Variants in CADM2 observed in about 807,000 individuals in gnomAD.
CADM2 encodes immunoglobulin superfamily member 4D.
Under a neutral mutation model 49.8 loss-of-function variants are expected in CADM2, and 12 were observed. The ratio of observed to expected loss-of-function variants is 0.24; its 90% CI spans 0.15 to 0.39. The LOEUF is 0.39. CADM2 is among the 10% of genes least tolerant of loss of function. The probability of loss-of-function intolerance (pLI) is 1.00; values close to 1 mark genes in which losing one functional copy is unlikely to be tolerated. For synonymous variants in CADM2, 214 were observed against 175.4 expected (o/e 1.22, Z -1.74); for missense variants, 378 against 492.3 (o/e 0.77, Z 2.20).
chr3:85,361,542 C>A (rs536306526), intron 1 of CADM2, among the ~76,000 whole-genome samples: 6 of 152,160 alleles, frequency 3.9e-5, no homozygotes, highest in Non-Finnish European at 7.3e-5. Flanking sequence ...GAAGCTTGAG[C>A]AAATAATCTC....
intron 1 of CADM2, among the ~76,000 whole-genome samples, chr3:85,418,309 A>G (rs1488726350): frequency 6.6e-6 from 1 of 152,104 alleles, no homozygotes; most frequent in African/African-American, 2.4e-5. Flanking sequence ...TAATATATCA[A>G]TTTTGGTCCC....
intron 7 of CADM2, among the ~76,000 whole-genome samples, chr3:85,958,154 C>A (rs1724291259): frequency 6.6e-6 from 1 of 151,942 alleles, no homozygotes; most frequent in Non-Finnish European, 1.5e-5. Flanking sequence ...ACAGGCACTT[C>A]TCAAAAGGAG....
intron 1 of CADM2, among the ~76,000 whole-genome samples, chr3:85,483,524 T>C (rs1169342260): frequency 1.3e-5 from 2 of 151,056 alleles, no homozygotes; most frequent in African/African-American, 4.8e-5. Context: ...GATGTACTAT[T>C]TTTTGGTGCT....
chr3:85,858,262 A>C (rs995257248), intron 3 of CADM2, among the ~76,000 whole-genome samples: 8 of 152,230 alleles, frequency 5.3e-5, no homozygotes, highest in Non-Finnish European at 1.0e-4. Flanking sequence ...GAAACATGTT[A>C]AAAGATAGAT....
At chr3:85,663,325 T>C (rs2065467861) in intron 1 of CADM2, among the ~76,000 whole-genome samples, 1 of 152,048 alleles carries the variant, frequency 6.6e-6, no homozygotes, top group Non-Finnish European at 1.5e-5. Context: ...ATAGCCTTGT[T>C]GGTTTCTAGC....
chr3:85,041,890 G>A (rs2035458212), intron 1 of CADM2, among the ~76,000 whole-genome samples: 1 of 152,202 alleles, frequency 6.6e-6, no homozygotes, highest in Non-Finnish European at 1.5e-5. Context: ...AGAAAAAAAA[G>A]TCTTACAGTA....
chr3:85,178,804 GT>G (rs2107699598), intron 1 of CADM2, among the ~76,000 whole-genome samples: 1 of 151,588 alleles, frequency 6.6e-6, no homozygotes, highest in Non-Finnish European at 1.5e-5. Flanking sequence ...TAAACCTCAG[GT>G]TTAAGTAGAC....
intron 8 of CADM2, among the ~76,000 whole-genome samples, chr3:86,046,774 A>G (rs1472112497): frequency 1.3e-5 from 2 of 149,906 alleles, no homozygotes; most frequent in African/African-American, 4.9e-5. Flanking sequence ...CGTCTTAAAC[A>G]CCCCCAACCC....
chr3:85,607,570 C>A (rs764153630), intron 1 of CADM2, among the ~76,000 whole-genome samples: 2 of 152,060 alleles, frequency 1.3e-5, no homozygotes, highest in Non-Finnish European at 2.9e-5. Context: ...TCTCCAATCA[C>A]CCTGAATTGA....
At chr3:85,545,580 A>G (rs1447665568) in intron 1 of CADM2, among the ~76,000 whole-genome samples, 1 of 152,082 alleles carries the variant, frequency 6.6e-6, no homozygotes, top group Non-Finnish European at 1.5e-5. Flanking sequence ...AATGTGTCTG[A>G]CCTATTCATT....
chr3:85,678,814 C>A (rs140806127), intron 1 of CADM2, among the ~76,000 whole-genome samples: 1 of 152,076 alleles, frequency 6.6e-6, no homozygotes, highest in African/African-American at 2.4e-5. Context: ...GGTGGCAGAT[C>A]TCAACTGGGG....
At chr3:85,878,723 A>G (rs925033714) in intron 3 of CADM2, among the ~76,000 whole-genome samples, 1 of 152,098 alleles carries the variant, frequency 6.6e-6, no homozygotes, top group South Asian at 2.1e-4. Flanking sequence ...AATGGTTTAA[A>G]TATGAAAGTC....
chr3:86,039,288 T>A (rs1203448036), intron 8 of CADM2, among the ~76,000 whole-genome samples: 1 of 151,720 alleles, frequency 6.6e-6, no homozygotes, highest in African/African-American at 2.4e-5. Flanking sequence ...ACCTGGGAAG[T>A]GAAAGGGGTC....
chr3:85,439,281 G>A (rs1252401534), intron 1 of CADM2, among the ~76,000 whole-genome samples: 5 of 151,170 alleles, frequency 3.3e-5, no homozygotes, highest in Non-Finnish European at 7.4e-5. Flanking sequence ...AGTCTCCTTA[G>A]TAGCTGGGAT....
intron 1 of CADM2, among the ~76,000 whole-genome samples, chr3:85,278,896 G>T (rs1193670503): frequency 2.6e-5 from 4 of 151,328 alleles, no homozygotes; most frequent in African/African-American, 9.7e-5. Flanking sequence ...TCTAGTTATG[G>T]AGTATCACAT....
At chr3:85,975,085 G>T (rs183944119) in intron 8 of CADM2, among the ~76,000 whole-genome samples, 15 of 151,288 alleles carry the variant, frequency 9.9e-5, no homozygotes, top group African/African-American at 3.4e-4. Flanking sequence ...CATAAAATGT[G>T]TACATATATA....
At chr3:85,516,353 A>G (rs1576698683) in intron 1 of CADM2, among the ~76,000 whole-genome samples, 1 of 152,208 alleles carries the variant, frequency 6.6e-6, no homozygotes, top group Admixed American at 6.5e-5. Context: ...GTTCCATGCC[A>G]GATTCCACAC....
At chr3:84,982,980 CA>C (rs2032303173) in intron 1 of CADM2, among the ~76,000 whole-genome samples, 1 of 148,714 alleles carries the variant, frequency 6.7e-6, no homozygotes, top group Admixed American at 6.6e-5. Flanking sequence ...ATCTCCTGAC[CA>C]CGTGATCTGC....
intron 2 of CADM2, among the ~76,000 whole-genome samples, chr3:85,756,887 A>G (rs2069148182): frequency 6.6e-6 from 1 of 152,140 alleles, no homozygotes; most frequent in Non-Finnish European, 1.5e-5. Context: ...GGACAGACAG[A>G]GACGTTTTAT....
Sources: gnomAD v4.1 joint callset for allele counts (sites outside exome capture counted in the v4.1 genomes callset) on GRCh38, gnomAD v4.1.1 for gene constraint, MANE v1.5 for transcripts, NCBI Gene and HGNC (gene_info 2026-07-23, HGNC 2026-07-21) for gene names.